The following SAG variants were observed in gnomAD, a reference collection of about 807,000 sequenced individuals.
SAG encodes S-arrestin.
Under a neutral mutation model 55.0 loss-of-function variants are expected in SAG, and 45 were observed. That is an observed-to-expected ratio of 0.82 (90% CI 0.64 to 1.05). The LOEUF (loss-of-function observed/expected upper bound fraction) is 1.05. SAG is among the 50% of genes least tolerant of loss of function. The probability of loss-of-function intolerance (pLI) is 0.00; values close to 1 mark genes in which losing one functional copy is unlikely to be tolerated. For synonymous variants in SAG, 189 were observed against 197.4 expected (o/e 0.96, Z 0.36); for missense variants, 455 against 512.1 (o/e 0.89, Z 1.08).
At chr2:233,312,518 T>C (rs962772465) in intron 2 of SAG, among the ~76,000 whole-genome samples, 1 of 152,246 alleles carries the variant, frequency 6.6e-6, no homozygotes, top group Non-Finnish European at 1.5e-5. Context: ...ATTTAATTCT[T>C]CCAAAAGCTA....
Position 233,340,437 on chromosome 2 carries a change from T to C in SAG, c.1023-18T>C. 6.2e-7 allele frequency: 1 copy of C among 1,608,822 alleles called. No homozygotes were observed. The highest frequency in any genetic ancestry group is 8.5e-7 in the Non-Finnish European group (1 of 1,176,796). ...CCACTGTGACAGTTAACGACAGGCG[T>C]TTGTTTGTGTTTTCTAGCTTTCTGG... On this transcript the variant is annotated intron_variant, in intron 12 of 15. Transcript: ENST00000409110. This position sits in a 1 kb window ranked among gnomAD's most constrained non-coding sequence, Gnocchi z 4.2.
chr2:233,342,017 G>A (rs1367362833), intron 13 of SAG, among the ~76,000 whole-genome samples: 22 of 152,036 alleles, frequency 1.4e-4, no homozygotes, highest in African/African-American at 1.4e-4. Flanking sequence ...CCAGCTACTC[G>A]GGAGGCTGAG....
intron 5 of SAG, among the ~76,000 whole-genome samples, chr2:233,322,139 T>A (rs1240231985): frequency 7.6e-6 from 1 of 132,352 alleles, no homozygotes; most frequent in African/African-American, 3.0e-5. Flanking sequence ...GTGAGCTAGA[T>A]CGCGCCACTG....
rs750821604 is a variant in SAG at position 233,346,406 on chromosome 2, A to G, written c.1106A>G (p.Lys369Arg). 8.7e-6 allele frequency: 14 copies of G among 1,613,772 alleles called. No individual in the cohort carries two copies. Among genetic ancestry groups the G allele is most frequent in the Non-Finnish European group, 1.2e-5 (14 of 1,179,708 alleles). The change falls in exon 15 of 16, where the codon AAG becomes AGG. Residue 369 changes from lysine to arginine, a missense_variant. Coordinates refer to ENST00000409110, the MANE Select transcript of SAG (RefSeq NM_000541.5). ...LMHPQPEDPA[K>R]ESYQDANLVF... ...CCCTTTTATTCCATGCTTACAGCTA[A>G]GGAAAGGTGAGTGAGCCTCTTGAAT... is the stretch of plus-strand genomic sequence containing the variant.
At chr2:233,314,743 C>T (rs1700172160) in intron 2 of SAG, among the ~76,000 whole-genome samples, 1 of 152,180 alleles carries the variant, frequency 6.6e-6, no homozygotes, top group Admixed American at 6.5e-5. Context: ...CTGGAAGTCA[C>T]TTCAGCATCA....
intron 3 of SAG, among the ~76,000 whole-genome samples, chr2:233,318,526 C>T (rs148670370): frequency 9.8e-5 from 15 of 152,294 alleles, no homozygotes; most frequent in African/African-American, 3.4e-4. Context: ...GGCCACCACA[C>T]CTGACCTGGA....
At chr2:233,341,824 T>A (rs1456447103) in intron 13 of SAG, among the ~76,000 whole-genome samples, 1 of 152,176 alleles carries the variant, frequency 6.6e-6, no homozygotes, top group Admixed American at 6.5e-5. Flanking sequence ...AATTGTGCAC[T>A]TTAAAATGAT....
intron 14 of SAG, chr2:233,345,185 T>A (rs928743738): frequency 6.6e-6 from 1 of 152,208 alleles, no homozygotes; most frequent in African/African-American, 2.4e-5. Flanking sequence ...TTCAAATTAA[T>A]AGCAGTTAGT....
At chr2:233,312,410 G>A (rs1257714816) in intron 2 of SAG, among the ~76,000 whole-genome samples, 1 of 152,178 alleles carries the variant, frequency 6.6e-6, no homozygotes, top group African/African-American at 2.4e-5. Context: ...AAAATGGGCT[G>A]CATTCCTGTC....
intron 1 of SAG, among the ~76,000 whole-genome samples, chr2:233,308,524 T>A: frequency 6.6e-6 from 1 of 151,968 alleles, no homozygotes; most frequent in East Asian, 1.9e-4. Flanking sequence ...GATGGCCTCT[T>A]AATTGTAAAA....
In SAG at chr2:233,319,647, C is replaced by T. The variant is rs1700320813; in HGVS notation, c.181+852C>T. 2 of 985,910 alleles carry T rather than the reference C, an allele frequency of 2.0e-6. No homozygotes were observed. Among genetic ancestry groups the T allele is most frequent in the African/African-American group, 1.7e-5 (1 of 57,248 alleles). The allele number at this position is 985,910 out of a possible 1,614,324, so 61.1% of individuals were successfully genotyped here. A position where few individuals can be genotyped will look rare whatever the true frequency, so the allele number is the denominator to read the frequency against. Reference sequence around the variant, plus strand: ...CCCCCTCTGTCCTCTCCACCTTCCTCCTGGGTGCCCTGCTCCTCTCTGGAC... The same window carrying T: ...CCCCCTCTGTCCTCTCCACCTTCCTTCTGGGTGCCCTGCTCCTCTCTGGAC... On this transcript the variant is annotated intron_variant, in intron 4 of 15. Transcript: ENST00000409110. The surrounding 1 kb of genome is among the most constrained non-coding windows in gnomAD (Gnocchi z 4.4).
In SAG at chr2:233,340,504, G is replaced by T; in HGVS notation, c.1046+26G>T. 1 of 1,598,460 alleles carries T rather than the reference G, an allele frequency of 6.3e-7. No homozygotes were observed. Among genetic ancestry groups the T allele is most frequent in the Non-Finnish European group, 8.6e-7 (1 of 1,169,148 alleles). On this transcript the variant is annotated intron_variant, in intron 13 of 15. Coordinates refer to ENST00000409110, the MANE Select transcript of SAG (RefSeq NM_000541.5). The surrounding 1 kb of genome is among the most constrained non-coding windows in gnomAD (Gnocchi z 4.2). Reference sequence around the variant, plus strand: ...GTAAGCCTGTTCACCTTCCTTGTTTGATTGTTTCTCAAGATATCAAAGGCA... The same window carrying T: ...GTAAGCCTGTTCACCTTCCTTGTTTTATTGTTTCTCAAGATATCAAAGGCA...
At chr2:233,330,162 T>A (rs951251174) in intron 9 of SAG, among the ~76,000 whole-genome samples, 17 of 152,238 alleles carry the variant, frequency 1.1e-4, no homozygotes, top group African/African-American at 4.1e-4. Flanking sequence ...GGGGGTCTTA[T>A]ATAATGGTCT....
At chr2:233,332,224 A>G (rs1336551371) in intron 10 of SAG, 1 of 160,310 alleles carries the variant, frequency 6.2e-6, no homozygotes, top group Admixed American at 6.4e-5. Context: ...GAATCCTGCC[A>G]TGGTTCCTTT....
intron 11 of SAG, among the ~76,000 whole-genome samples, chr2:233,338,106 G>A (rs1468597930): frequency 6.6e-6 from 1 of 152,210 alleles, no homozygotes; most frequent in Admixed American, 6.5e-5. Context: ...TGGATATCTT[G>A]GAAGGCAGGA....
At chr2:233,309,022 G>A (rs866778105) in intron 1 of SAG, 140 bp from the exon 2 acceptor site, 5 of 552,742 alleles carry the variant, frequency 9.0e-6, no homozygotes, top group Middle Eastern at 2.8e-4. Context: ...GATGAAACTC[G>A]GATGTTGAAG....
rs114212548 is a variant in SAG at position 233,324,711 on chromosome 2, G to C, written c.435+1706G>C. On this transcript the variant is annotated intron_variant, in intron 6 of 15. Transcript: ENST00000409110. ...GGGACAGGAGGAGAAGGAGGTGCCA[G>C]GACCCGTGGGTTCAGGCCCTCTAAG... Among the ~76,000 whole-genome samples, 665 of 152,286 alleles carry C rather than the reference G, an allele frequency of 4.4e-3. 4 individuals are homozygous for C. Among genetic ancestry groups the C allele is most frequent in the African/African-American group, 0.015 (632 of 41,552 alleles).
chr2:233,332,062 T>C (rs1700783486), intron 10 of SAG: 2 of 296,256 alleles, frequency 6.8e-6, no homozygotes, highest in Non-Finnish European at 1.3e-5. Context: ...TCCCAGAAGA[T>C]GGTCAAATGA....
intron 9 of SAG, among the ~76,000 whole-genome samples, chr2:233,330,771 A>T (rs1458587724): frequency 3.3e-5 from 5 of 152,130 alleles, no homozygotes; most frequent in Admixed American, 1.3e-4. Flanking sequence ...ACCTCAGGTG[A>T]TCCATCCGCC....
Sources: allele counts gnomAD v4.1 joint callset (sites outside exome capture counted in the v4.1 genomes callset), GRCh38; gene constraint gnomAD v4.1.1; non-coding constraint Gnocchi (gnomAD v3.1); transcripts MANE v1.5; gene names NCBI Gene and HGNC (gene_info 2026-07-23, HGNC 2026-07-21).